Variants in TXNL1 observed in about 807,000 individuals in gnomAD.
TXNL1 encodes thioredoxin-like protein 1.
A neutral mutation model predicts 35.5 loss-of-function variants in TXNL1; 14 were observed. The ratio of observed to expected loss-of-function variants is 0.39; its 90% CI spans 0.26 to 0.62. The LOEUF (loss-of-function observed/expected upper bound fraction) is 0.62, where lower values mean the gene tolerates loss of function less well. Among genes scored for constraint, TXNL1 ranks in the 20% least tolerant of loss-of-function variants. TXNL1 has a pLI of 0.47. For missense variants in TXNL1, 263 were observed against 349.7 expected (o/e 0.75, Z 1.98); for synonymous variants, 110 against 115.5 (o/e 0.95, Z 0.31).
intron 1 of TXNL1, among the ~76,000 whole-genome samples, chr18:56,630,437 C>A (rs1232858805): frequency 6.6e-6 from 1 of 152,186 alleles, no homozygotes; most frequent in Non-Finnish European, 1.5e-5. Flanking sequence ...TTCTGGGGAA[C>A]AAACGCTAGG....
At chr18:56,621,204 AT>A (rs34382500) in intron 3 of TXNL1, among the ~76,000 whole-genome samples, 92,166 of 125,996 alleles carry the variant, frequency 0.73, 32,541 homozygotes, top group East Asian at 0.94. Flanking sequence ...ATATATATGT[AT>A]TTTTTTTTTT....
intron 3 of TXNL1, among the ~76,000 whole-genome samples, chr18:56,622,481 T>C (rs960467645): frequency 3.9e-5 from 6 of 152,210 alleles, no homozygotes; most frequent in African/African-American, 7.2e-5. Flanking sequence ...CAAATTTAAA[T>C]ACTGAATAAC....
At chr18:56,603,311 T>TAA (rs1269205316) in intron 7 of TXNL1, among the ~76,000 whole-genome samples, 2 of 151,500 alleles carry the variant, frequency 1.3e-5, no homozygotes, top group African/African-American at 4.8e-5. Flanking sequence ...TAGCAATTTT[T>TAA]AAAAACAAGG....
At chr18:56,612,655 T>TA (rs1278457471) in intron 6 of TXNL1, among the ~76,000 whole-genome samples, 39 of 152,192 alleles carry the variant, frequency 2.6e-4, no homozygotes, top group Admixed American at 7.2e-4. Flanking sequence ...ACTACCAGCG[T>TA]ACTCCCATGA....
At chr18:56,626,781 G>C (rs1452374936) in intron 1 of TXNL1, among the ~76,000 whole-genome samples, 1 of 127,186 alleles carries the variant, frequency 7.9e-6, no homozygotes, top group African/African-American at 3.1e-5. Flanking sequence ...TTACAGGCGT[G>C]AGCCACCAAG....
chr18:56,619,587 A>G (rs936755778), intron 3 of TXNL1, among the ~76,000 whole-genome samples: 3 of 151,512 alleles, frequency 2.0e-5, no homozygotes, highest in Non-Finnish European at 2.9e-5. Context: ...TGTCTCTGAA[A>G]TCTCTTTTAA....
At chr18:56,612,875 ATT>A (rs879583282) in intron 6 of TXNL1, among the ~76,000 whole-genome samples, 1 of 146,598 alleles carries the variant, frequency 6.8e-6, no homozygotes, top group Non-Finnish European at 1.5e-5. Flanking sequence ...CTTGATTATA[ATT>A]TTTTTTTTTT....
intron 3 of TXNL1, among the ~76,000 whole-genome samples, chr18:56,621,526 G>A (rs1788281): frequency 2.0e-5 from 3 of 152,202 alleles, no homozygotes; most frequent in African/African-American, 7.2e-5. Flanking sequence ...GTGCATTAAA[G>A]TATTTTGTTA....
chr18:56,631,348 G>A lies in TXNL1; in HGVS notation c.99-4891C>T, dbSNP rs183440439. Among the ~76,000 whole-genome samples the A allele has an allele frequency of 3.3e-3, 497 of 152,230 alleles. 1 individual carries two copies. Among genetic ancestry groups the A allele is most frequent in the South Asian group, 5.8e-3 (28 of 4,824 alleles). On this transcript the variant is annotated intron_variant, in intron 1 of 7. Transcript: ENST00000217515. ...ACAATATTATGCACCCAGTATGCTT[G>A]AATTTCAGAATTACACCTTTTTCTC...
Position 56,598,904 on chromosome 18 carries a change from C to T in TXNL1, c.*4123G>A, listed in dbSNP as rs2023775179. 6.6e-6 allele frequency: 1 copy of T among 152,120 alleles called. No homozygotes were observed. Among genetic ancestry groups the T allele is most frequent in the Non-Finnish European group, 1.5e-5 (1 of 68,032 alleles). The allele number at this position is 152,120 out of a possible 1,614,324, so 9.4% of individuals were successfully genotyped here. A position where few individuals can be genotyped will look rare whatever the true frequency, so the allele number is the denominator to read the frequency against. ...GATTCAAACTTCAGAGATTTTGCTC[C>T]TAGGTAGTATGATGAGCCAGTATCT... On this transcript the variant is annotated 3_prime_UTR_variant, in exon 8 of 8. Coordinates refer to ENST00000217515, the MANE Select transcript of TXNL1 (RefSeq NM_004786.3).
intron 1 of TXNL1, among the ~76,000 whole-genome samples, chr18:56,636,344 G>C (rs1294299521): frequency 6.6e-6 from 1 of 152,134 alleles, no homozygotes; most frequent in Non-Finnish European, 1.5e-5. Context: ...ATTCTTACAA[G>C]ATTTTACTGA....
At chr18:56,627,365 A>T (rs768100970) in intron 1 of TXNL1, among the ~76,000 whole-genome samples, 3 of 152,220 alleles carry the variant, frequency 2.0e-5, no homozygotes, top group African/African-American at 7.2e-5. Context: ...GTAAGATCTC[A>T]GCAGGTTTTC....
intron 2 of TXNL1, 59 bp downstream of exon 2, chr18:56,626,302 G>A: frequency 6.4e-7 from 1 of 1,565,920 alleles, no homozygotes; most frequent in Non-Finnish European, 8.6e-7. Context: ...GAATATTAAT[G>A]TTGGATTTCA....
At chr18:56,628,988 A>C (rs2144328753) in intron 1 of TXNL1, among the ~76,000 whole-genome samples, 1 of 152,328 alleles carries the variant, frequency 6.6e-6, no homozygotes, top group South Asian at 2.1e-4. Context: ...TTAGTCTTAA[A>C]CTTTATAAAT....
Position 56,602,816 on chromosome 18 carries a change from CA to C in TXNL1, c.*210del. On this transcript the variant is annotated 3_prime_UTR_variant, in exon 8 of 8. Transcript: ENST00000217515. Reference sequence around the variant, plus strand: ...AAGAGAAAATACTGATTTAGAAAGACAAAAATTAAGCTTGGCAAAAGTGGTG... The same window carrying C: ...AAGAGAAAATACTGATTTAGAAAGACAAAATTAAGCTTGGCAAAAGTGGTG... 2 of 616,908 alleles carry C rather than the reference CA, an allele frequency of 3.2e-6. No individual in the cohort carries two copies. The highest frequency in any genetic ancestry group is 5.6e-6 in the Non-Finnish European group (2 of 355,580). The allele number at this position is 616,908 out of a possible 1,614,324, so 38.2% of individuals were successfully genotyped here. A position where few individuals can be genotyped will look rare whatever the true frequency, so the allele number is the denominator to read the frequency against.
At position 56,599,316 on chromosome 18, in the gene TXNL1, C is replaced by T. The variant is rs1204032850; in HGVS notation, c.*3711G>A. 2 of 150,190 alleles carry T rather than the reference C, an allele frequency of 1.3e-5. No homozygotes were observed. The highest frequency in any genetic ancestry group is 3.0e-5 in the Non-Finnish European group (2 of 67,640). The allele number at this position is 150,190 out of a possible 1,614,324, so 9.3% of individuals were successfully genotyped here. ...AAAACCTTATTGATCAAAAATAAAACTTGAATTTTGAAACATGCTTAAAAT... is the reference window on the plus strand; with the variant it reads ...AAAACCTTATTGATCAAAAATAAAATTTGAATTTTGAAACATGCTTAAAAT... On this transcript the variant is annotated 3_prime_UTR_variant, in exon 8 of 8. Transcript: ENST00000217515.
At chr18:56,628,202 T>C (rs1373122502) in intron 1 of TXNL1, among the ~76,000 whole-genome samples, 1 of 152,056 alleles carries the variant, frequency 6.6e-6, no homozygotes, top group Non-Finnish European at 1.5e-5. Context: ...TCAGCAAAAA[T>C]AGCTACAAGA....
At chr18:56,630,083 C>T (rs2024347412) in intron 1 of TXNL1, among the ~76,000 whole-genome samples, 1 of 151,970 alleles carries the variant, frequency 6.6e-6, no homozygotes, top group Non-Finnish European at 1.5e-5. Context: ...CCTATAGTCC[C>T]AGCTATTCGG....
At chr18:56,604,052 C>T (rs929504891) in intron 7 of TXNL1, among the ~76,000 whole-genome samples, 51 of 152,140 alleles carry the variant, frequency 3.4e-4, no homozygotes, top group African/African-American at 1.2e-3. Flanking sequence ...AAGCTTTCCA[C>T]TGAAATCCCA....
Sources: gnomAD v4.1 joint callset for allele counts (sites outside exome capture counted in the v4.1 genomes callset) on GRCh38, gnomAD v4.1.1 for gene constraint, MANE v1.5 for transcripts, NCBI Gene and HGNC (gene_info 2026-07-23, HGNC 2026-07-21) for gene names.